Variants in RBFOX3 observed in about 807,000 individuals in gnomAD.
RBFOX3 encodes the protein RNA binding protein fox-1 homolog 3.
A neutral mutation model predicts 48.7 loss-of-function variants in RBFOX3; 17 were observed. That is an observed-to-expected ratio of 0.35 (90% CI 0.24 to 0.52). The LOEUF (loss-of-function observed/expected upper bound fraction) is 0.52, where lower values mean the gene tolerates loss of function less well. RBFOX3 is among the 20% of genes least tolerant of loss of function. RBFOX3 has a pLI of 0.94. For missense variants in RBFOX3, 382 were observed against 497.5 expected (o/e 0.77, Z 2.21); for synonymous variants, 212 against 209.5 (o/e 1.01, Z -0.10).
Position 79,309,507 on chromosome 17 carries a change from C to G in RBFOX3, c.-174-1683G>C, listed in dbSNP as rs184149618. Reference sequence around the variant, plus strand: ...GTCCTTGCACATGTTGTCCCCTCCTCCAGGTGTTGGGTGACATCTGCATGT... The same window carrying G: ...GTCCTTGCACATGTTGTCCCCTCCTGCAGGTGTTGGGTGACATCTGCATGT... On this transcript the variant is annotated intron_variant, in intron 2 of 14. Transcript: ENST00000693108. Among the ~76,000 whole-genome samples the G allele has an allele frequency of 1.4e-4, 21 of 152,288 alleles. No individual in the cohort carries two copies. The East Asian group carries it at 2.9e-3, about 21-fold the overall frequency.
the RBFOX3 span, among the ~76,000 whole-genome samples, chr17:79,635,284 C>T: frequency 6.6e-6 from 1 of 152,042 alleles, no homozygotes; most frequent in Non-Finnish European, 1.5e-5. Context: ...CCCAGATACT[C>T]ATGGGCCCTG....
chr17:79,477,841 A>C lies in RBFOX3; in HGVS notation c.-175+4613T>G, dbSNP rs1256786756. 6.6e-6 allele frequency among the ~76,000 whole-genome samples: 1 copy of C among 152,220 alleles called. No homozygotes were observed. Among genetic ancestry groups the C allele is most frequent in the East Asian group, 1.9e-4 (1 of 5,192 alleles). Reference sequence around the variant, plus strand: ...ACCCAAGTCTCCAAAGACTGGCTCAAACTAAAGTCTTCTCATTAAAATATT... The same window carrying C: ...ACCCAAGTCTCCAAAGACTGGCTCACACTAAAGTCTTCTCATTAAAATATT... On this transcript the variant is annotated intron_variant, in intron 2 of 14. Coordinates refer to ENST00000693108, the MANE Select transcript of RBFOX3 (RefSeq NM_001350451.2). This position sits in a 1 kb window ranked among gnomAD's most constrained non-coding sequence, Gnocchi z 4.8.
chr17:79,309,765 G>A (rs1157148891), intron 2 of RBFOX3, among the ~76,000 whole-genome samples: 2 of 152,094 alleles, frequency 1.3e-5, no homozygotes, highest in African/African-American at 4.8e-5. Flanking sequence ...GTGAGTTCTC[G>A]TGAGAGCTGA....
chr17:79,452,786 T>G (rs1598755418), intron 2 of RBFOX3, among the ~76,000 whole-genome samples: 1 of 151,702 alleles, frequency 6.6e-6, no homozygotes. Flanking sequence ...CCCGGCAGGG[T>G]CAGGAAAGGT....
intron 2 of RBFOX3, among the ~76,000 whole-genome samples, chr17:79,367,336 T>C (rs1451917240): frequency 7.5e-6 from 1 of 133,734 alleles, no homozygotes; most frequent in Non-Finnish European, 1.6e-5. Flanking sequence ...CTTCATTTCC[T>C]CTTCCTCCCC....
At chr17:79,108,221 C>G (rs1039541240) in intron 5 of RBFOX3, among the ~76,000 whole-genome samples, 1 of 152,182 alleles carries the variant, frequency 6.6e-6, no homozygotes, top group East Asian at 1.9e-4. Context: ...TGGCTCCAGC[C>G]GTCTGGATCC....
chr17:79,184,587 G>A (rs2053013166), intron 4 of RBFOX3, among the ~76,000 whole-genome samples: 1 of 152,262 alleles, frequency 6.6e-6, no homozygotes, highest in Non-Finnish European at 1.5e-5. Flanking sequence ...GGTGAGCTTG[G>A]CTGCAAGAGG....
chr17:79,357,186 A>G (rs1227204535), intron 2 of RBFOX3, among the ~76,000 whole-genome samples: 1 of 152,266 alleles, frequency 6.6e-6, no homozygotes, highest in African/African-American at 2.4e-5. Flanking sequence ...AAACACAAGC[A>G]GGCTGTACGC....
At chr17:79,155,195 A>T (rs2045509524) in intron 4 of RBFOX3, among the ~76,000 whole-genome samples, 1 of 152,184 alleles carries the variant, frequency 6.6e-6, no homozygotes, top group African/African-American at 2.4e-5. Flanking sequence ...TGCCTTGGTG[A>T]GGTTTTATTG....
At chr17:79,383,031 A>AACACAC (rs60851419) in intron 2 of RBFOX3, among the ~76,000 whole-genome samples, 14,489 of 141,096 alleles carry the variant, frequency 0.1, 841 homozygotes, top group Non-Finnish European at 0.12. Context: ...CTGCCTCTCA[A>AACACAC]ACACACACAC....
intron 1 of RBFOX3, among the ~76,000 whole-genome samples, chr17:79,493,224 C>T (rs2080958324): frequency 6.6e-6 from 1 of 152,092 alleles, no homozygotes; most frequent in Non-Finnish European, 1.5e-5. Context: ...TGAGGGACAA[C>T]TCACTCATCA....
chr17:79,193,564 A>C (rs536396460), intron 4 of RBFOX3, among the ~76,000 whole-genome samples: 2 of 152,268 alleles, frequency 1.3e-5, no homozygotes, highest in African/African-American at 4.8e-5. Context: ...TTTTCAAATT[A>C]TTGCTACACT....
In RBFOX3 at chr17:79,391,698, G is replaced by A. The variant is rs769069949; in HGVS notation, c.-174-83874C>T. ...TGCCTGTGCATCCACATATATGTGC[G>A]TGTGAGCGTGTGTGGGCACAGGAAA... On this transcript the variant is annotated intron_variant, in intron 2 of 14. Coordinates refer to ENST00000693108, the MANE Select transcript of RBFOX3 (RefSeq NM_001350451.2). The surrounding 1 kb of genome is among the most constrained non-coding windows in gnomAD (Gnocchi z 5.0). Among the ~76,000 whole-genome samples, 2 of 152,194 alleles carry A rather than the reference G, an allele frequency of 1.3e-5. No individual in the cohort carries two copies. Among genetic ancestry groups the A allele is most frequent in the Non-Finnish European group, 2.9e-5 (2 of 68,040 alleles).
intron 2 of RBFOX3, among the ~76,000 whole-genome samples, chr17:79,424,978 C>T (rs146165719): frequency 1.3e-3 from 191 of 152,270 alleles, no homozygotes; most frequent in Admixed American, 2.3e-3. Flanking sequence ...CCCACCCTGT[C>T]GCCCGATGGC....
intron 1 of RBFOX3, among the ~76,000 whole-genome samples, chr17:79,492,574 G>A (rs1027741060): frequency 5.9e-5 from 9 of 152,166 alleles, no homozygotes; most frequent in Admixed American, 1.3e-4. Flanking sequence ...CCATGCCTGC[G>A]GCCCCGGCCA....
At chr17:79,608,811 C>T (rs2093898399) in intron 1 of RBFOX3, among the ~76,000 whole-genome samples, 1 of 152,150 alleles carries the variant, frequency 6.6e-6, no homozygotes, top group African/African-American at 2.4e-5. Flanking sequence ...GGCCTCCAGT[C>T]CTGGGGGAGG....
intron 4 of RBFOX3, among the ~76,000 whole-genome samples, chr17:79,147,429 G>A (rs1028774086): frequency 1.3e-5 from 2 of 152,252 alleles, no homozygotes; most frequent in African/African-American, 4.8e-5. Context: ...AAGGCAGTGA[G>A]GCCGCCAGCC....
At position 79,228,224 on chromosome 17, in the gene RBFOX3, G is replaced by A. The variant is rs555675588; in HGVS notation, c.-34+7542C>T. Among the ~76,000 whole-genome samples the A allele has an allele frequency of 2.9e-4, 44 of 152,262 alleles. No homozygotes were observed. In the East Asian group the frequency reaches 8.0e-3, roughly 28 times the overall value. On this transcript the variant is annotated intron_variant, in intron 4 of 14. Transcript: ENST00000693108. Reference sequence around the variant, plus strand: ...CTGGCGCTATCCGTGGGCTCTCCGTGTTCCCTCCGGCCTGTGCCTTGGCAA... The same window carrying A: ...CTGGCGCTATCCGTGGGCTCTCCGTATTCCCTCCGGCCTGTGCCTTGGCAA...
rs2057181905 is a variant in RBFOX3 at position 79,204,161 on chromosome 17, C to T, written c.-34+31605G>A. On this transcript the variant is annotated intron_variant, in intron 4 of 14. Coordinates refer to ENST00000693108, the MANE Select transcript of RBFOX3 (RefSeq NM_001350451.2). The surrounding 1 kb of genome is among the most constrained non-coding windows in gnomAD (Gnocchi z 4.5). ...CCTACTTCCCCTACTGCCATGACAGCAATAGCTAGAGTTGGGGTTCAGCAC... is the reference window on the plus strand; with the variant it reads ...CCTACTTCCCCTACTGCCATGACAGTAATAGCTAGAGTTGGGGTTCAGCAC... 1.3e-5 allele frequency among the ~76,000 whole-genome samples: 2 copies of T among 152,156 alleles called. No homozygotes were observed. The highest frequency in any genetic ancestry group is 4.1e-4 in the South Asian group (2 of 4,820).
Sources: gnomAD v4.1 joint callset for allele counts (sites outside exome capture counted in the v4.1 genomes callset) on GRCh38, gnomAD v4.1.1 for gene constraint, Gnocchi (gnomAD v3.1) non-coding constraint, MANE v1.5 for transcripts, NCBI Gene and HGNC (gene_info 2026-07-23, HGNC 2026-07-21) for gene names.